ZNF469: variants seen among roughly 807,000 people sequenced by gnomAD.
ZNF469 encodes zinc finger protein 469.
ZNF469 carries 1 observed loss-of-function variant against 1.0 expected under a neutral mutation model. The observed-to-expected ratio is 1.00, with a 90% confidence interval of 0.35 to 4.73. The LOEUF (loss-of-function observed/expected upper bound fraction) is 4.73, where lower values mean the gene tolerates loss of function less well. Ranked by LOEUF, ZNF469 falls within the 30% of genes most tolerant of loss-of-function variation. The pLI is 0.16. For synonymous variants in ZNF469, 2,703 were observed against 2,363.4 expected, an observed-to-expected ratio of 1.14 and a Z score of -4.17; for missense variants, 6,100 against 5,356.3, an observed-to-expected ratio of 1.14 and a Z score of -4.33.
the ZNF469 span, chr16:88,178,485 G>A: frequency 6.6e-6 from 1 of 152,226 alleles, no homozygotes; most frequent in East Asian, 1.9e-4. Context: ...CCCATCCCGA[G>A]AGCACTGACG....
chr16:88,345,107 G>C, the ZNF469 span, among the ~76,000 whole-genome samples: 19 of 152,350 alleles, frequency 1.2e-4, no homozygotes, highest in Middle Eastern at 3.4e-3. Context: ...GGGATGGGGG[G>C]AGTGGATCCC....
chr16:88,249,395 TTTTTTCTTTTTCTTTTTCTTTC>T, the ZNF469 span, among the ~76,000 whole-genome samples: 3 of 150,020 alleles, frequency 2.0e-5, no homozygotes, highest in African/African-American at 4.9e-5. Context: ...ACTGCCATTT[TTTTTTCTTTTTCTTTTTCTTTC>T]TTTTTCTTTT....
chr16:88,428,831 G>T lies in ZNF469; in HGVS notation c.1361G>T (p.Gly454Val), dbSNP rs1430480884. The T allele has an allele frequency of 1.9e-6, 3 of 1,547,548 alleles. No homozygotes were observed. The highest frequency in any genetic ancestry group is 1.7e-6 in the Non-Finnish European group (2 of 1,146,136). Residue 454 changes from glycine to valine, a missense_variant, in exon 3 of 3, where the codon GGC becomes GTC. Coordinates refer to ENST00000565624, the MANE Select transcript of ZNF469 (RefSeq NM_001367624.2). ...GCCCCTTACCCCACACCTCCTGGGG[G>T]CCCCCTGGCTGCCACCAGGAGTATG... The part of the protein sequence containing the change: ...TAAPYPTPPG[G>V]PLAATRSMFF...
the ZNF469 span, among the ~76,000 whole-genome samples, chr16:88,165,420 T>C: frequency 6.6e-6 from 1 of 152,130 alleles, no homozygotes; most frequent in African/African-American, 2.4e-5. Flanking sequence ...TGGTCTCTCC[T>C]AGGCACCATT....
chr16:88,314,578 C>T, the ZNF469 span, among the ~76,000 whole-genome samples: 32 of 145,992 alleles, frequency 2.2e-4, no homozygotes, highest in African/African-American at 8.3e-4. Context: ...GTAATTCAGG[C>T]AGTGCTGCTG....
chr16:88,430,881 A>G lies in ZNF469; in HGVS notation c.3411A>G (p.Lys1137=), dbSNP rs1460697592. ...GTCCCAGAGAGGATGAGCCACAGAA[A>G]CCCCGGAAGGCGGCGAGGCAGGAAG... ...TQGPREDEPQ[K]PRKAARQEAG... The change falls in exon 3 of 3, where the codon AAA becomes AAG. Residue 1137 remains lysine (K), a synonymous_variant. Coordinates refer to ENST00000565624, the MANE Select transcript of ZNF469 (RefSeq NM_001367624.2). 159 of 1,536,618 alleles carry G rather than the reference A, an allele frequency of 1.0e-4. No individual in the cohort carries two copies. The highest frequency in any genetic ancestry group is 1.3e-4 in the Non-Finnish European group (152 of 1,145,834).
the ZNF469 span, among the ~76,000 whole-genome samples, chr16:88,242,391 C>A: frequency 6.6e-6 from 1 of 152,194 alleles, no homozygotes; most frequent in Admixed American, 6.5e-5. Flanking sequence ...TCTTCTGAGG[C>A]CTCTCCCTGG....
intron 1 of ZNF469, among the ~76,000 whole-genome samples, chr16:88,415,472 C>T (rs1020374798): frequency 6.6e-6 from 1 of 152,244 alleles, no homozygotes; most frequent in African/African-American, 2.4e-5. Flanking sequence ...GGGGGCAGTG[C>T]TGTGCCCATT....
At chr16:88,152,706 T>C in the ZNF469 span, among the ~76,000 whole-genome samples, 1 of 152,306 alleles carries the variant, frequency 6.6e-6, no homozygotes, top group African/African-American at 2.4e-5. The surrounding 1 kb of genome is among the most constrained non-coding windows in gnomAD (Gnocchi z 4.2). Context: ...ACTTAGCAGT[T>C]GGTAAATCAC....
chr16:88,174,480 A>G, the ZNF469 span, among the ~76,000 whole-genome samples: 97 of 71,850 alleles, frequency 1.4e-3, no homozygotes, highest in Middle Eastern at 5.6e-3. Flanking sequence ...CTGTCTGTCT[A>G]TCTATCTATC....
the ZNF469 span, among the ~76,000 whole-genome samples, chr16:88,141,752 A>C: frequency 6.6e-6 from 1 of 151,924 alleles, no homozygotes; most frequent in East Asian, 1.9e-4. Context: ...AGCAGCAGGC[A>C]GTGGCAATGG....
rs543380434 is a variant in ZNF469, at chr16:88,412,168, C to T, written c.-191-12639C>T. 5.6e-3 allele frequency among the ~76,000 whole-genome samples: 857 copies of T among 152,262 alleles called. 8 individuals are homozygous for T. Among genetic ancestry groups the T allele is most frequent in the African/African-American group, 0.02 (815 of 41,550 alleles). On this transcript the variant is annotated intron_variant, in intron 1 of 2. Transcript: ENST00000565624. ...AGCCCACCACGCCCCCTGTCCCAGG[C>T]CCACCGTCCCAGGCCCACCCTGCTC...
rs903375374 is a variant in ZNF469 at position 88,429,631 on chromosome 16, A to T, written c.2161A>T (p.Ser721Cys). 3.3e-5 allele frequency: 51 copies of T among 1,544,802 alleles called. No homozygotes were observed. The highest frequency in any genetic ancestry group is 4.4e-5 in the Non-Finnish European group (50 of 1,143,342). The change falls in exon 3 of 3, where the codon AGC becomes TGC. Residue 721 changes from serine to cysteine, a missense_variant. Transcript: ENST00000565624. ...CCCCACACACCACTTCTCCCTCAGCAGCGCCAGCCTGGACCAGCTGGACGT... is the reference window on the plus strand; with the variant it reads ...CCCCACACACCACTTCTCCCTCAGCTGCGCCAGCCTGGACCAGCTGGACGT... ...PYPTHHFSLS[S>C]ASLDQLDVLL...
the ZNF469 span, among the ~76,000 whole-genome samples, chr16:88,149,340 C>T: frequency 6.6e-6 from 1 of 152,134 alleles, no homozygotes; most frequent in East Asian, 1.9e-4. Flanking sequence ...GAGAGATTTC[C>T]ATGGATTCAT....
the ZNF469 span, among the ~76,000 whole-genome samples, chr16:88,147,853 G>A: frequency 2.0e-5 from 3 of 152,172 alleles, no homozygotes; most frequent in Non-Finnish European, 4.4e-5. Context: ...CAATCTGAGT[G>A]TTGAAGAGAA....
At chr16:88,353,592 C>G in the ZNF469 span, among the ~76,000 whole-genome samples, 2 of 152,232 alleles carry the variant, frequency 1.3e-5, no homozygotes, top group East Asian at 1.9e-4. Flanking sequence ...GTGCCTTAGG[C>G]CTTCCCTGCT....
chr16:88,152,130 C>G, the ZNF469 span, among the ~76,000 whole-genome samples: 1 of 152,136 alleles, frequency 6.6e-6, no homozygotes, highest in African/African-American at 2.4e-5. The surrounding 1 kb of genome is among the most constrained non-coding windows in gnomAD (Gnocchi z 4.2). Flanking sequence ...TGGAGGAGGG[C>G]AGGCGTCTCA....
chr16:88,111,430 G>A, the ZNF469 span, among the ~76,000 whole-genome samples: 1 of 152,092 alleles, frequency 6.6e-6, no homozygotes, highest in African/African-American at 2.4e-5. Flanking sequence ...ATTTTAAGAT[G>A]TACAACAAAT....
the ZNF469 span, among the ~76,000 whole-genome samples, chr16:88,206,507 G>C: frequency 6.6e-6 from 1 of 152,116 alleles, no homozygotes; most frequent in Non-Finnish European, 1.5e-5. Flanking sequence ...CCTGTTACCA[G>C]ATCCACGGAC....
Sources: gnomAD v4.1 joint callset for allele counts (sites outside exome capture counted in the v4.1 genomes callset) on GRCh38, gnomAD v4.1.1 for gene constraint, Gnocchi (gnomAD v3.1) non-coding constraint, MANE v1.5 for transcripts, NCBI Gene and HGNC (gene_info 2026-07-23, HGNC 2026-07-21) for gene names.